The following PPP1R1C variants were observed in gnomAD, a reference collection of about 807,000 sequenced individuals.
PPP1R1C encodes protein phosphatase 1 regulatory subunit 1C.
In PPP1R1C, 15 loss-of-function variants were observed where a neutral mutation model predicts 17.4. The ratio of observed to expected loss-of-function variants is 0.86; its 90% CI spans 0.58 to 1.33. The LOEUF (loss-of-function observed/expected upper bound fraction) is 1.33, where lower values mean the gene tolerates loss of function less well. Ranked by LOEUF, PPP1R1C falls within the 40% of genes most tolerant of loss-of-function variation. The probability of loss-of-function intolerance (pLI) is 0.00; values close to 1 mark genes in which losing one functional copy is unlikely to be tolerated. For synonymous variants in PPP1R1C, 35 were observed against 43.1 expected (o/e 0.81, Z 0.73); for missense variants, 143 against 130.0 (o/e 1.10, Z -0.48).
chr2:182,044,824 A>G (rs746562402), intron 2 of PPP1R1C, among the ~76,000 whole-genome samples: 15 of 152,226 alleles, frequency 9.9e-5, no homozygotes, highest in Non-Finnish European at 1.8e-4. Context: ...AACCTTACAT[A>G]TAAGACACAG....
At chr2:182,115,955 A>C (rs1689568258) in intron 4 of PPP1R1C, among the ~76,000 whole-genome samples, 1 of 152,148 alleles carries the variant, frequency 6.6e-6, no homozygotes, top group African/African-American at 2.4e-5. Context: ...TATAAGGTAC[A>C]AAAAAGTGTA....
At chr2:182,092,689 G>T (rs1688816895) in intron 4 of PPP1R1C, among the ~76,000 whole-genome samples, 1 of 152,182 alleles carries the variant, frequency 6.6e-6, no homozygotes, top group Non-Finnish European at 1.5e-5. Flanking sequence ...AAACAAAGGT[G>T]CTACAGGCCC....
intron 1 of PPP1R1C, among the ~76,000 whole-genome samples, chr2:181,965,246 G>T (rs1467572220): frequency 6.6e-6 from 1 of 152,114 alleles, no homozygotes; most frequent in Non-Finnish European, 1.5e-5. Flanking sequence ...ATTTTATGGA[G>T]TGTCTTTTTA....
At chr2:182,122,109 A>T (rs575653945), downstream of PPP1R1C, among the ~76,000 whole-genome samples, 1 of 152,300 alleles carries the variant, frequency 6.6e-6, no homozygotes, top group South Asian at 2.1e-4. Context: ...CGTGAGGAAC[A>T]GGCAGACTGT....
intron 4 of PPP1R1C, among the ~76,000 whole-genome samples, chr2:182,090,171 T>G (rs772542328): frequency 6.6e-6 from 1 of 152,128 alleles, no homozygotes; most frequent in South Asian, 2.1e-4. Flanking sequence ...AAAAATACTC[T>G]GTGTACAGAT....
chr2:182,002,486 C>CTTT lies in PPP1R1C; in HGVS notation c.142+14588_142+14590dup, dbSNP rs1685795469. Among the ~76,000 whole-genome samples the CTTT allele has an allele frequency of 4.0e-5, 6 of 151,730 alleles. No homozygotes were observed. In the South Asian group the frequency reaches 1.3e-3, roughly 32 times the overall value. On this transcript the variant is annotated intron_variant, in intron 2 of 4. Transcript: ENST00000682840. Reference sequence around the variant, plus strand: ...CCAAACAATAACAACAAAAACAAACCTTTGTTTCCACAGAAGTTATTGGAT... The same window carrying CTTT: ...CCAAACAATAACAACAAAAACAAACCTTTTTTGTTTCCACAGAAGTTATTGGAT...
chr2:182,116,114 T>C (rs896396552), intron 4 of PPP1R1C, among the ~76,000 whole-genome samples: 2 of 152,148 alleles, frequency 1.3e-5, no homozygotes, highest in Non-Finnish European at 2.9e-5. Context: ...AAATTTGAAA[T>C]AATTTTGAAA....
At chr2:181,966,990 A>T (rs1684916586) in intron 1 of PPP1R1C, among the ~76,000 whole-genome samples, 1 of 151,918 alleles carries the variant, frequency 6.6e-6, no homozygotes, top group Non-Finnish European at 1.5e-5. Flanking sequence ...CTTGTTGCTT[A>T]TTATTGGTCT....
chr2:182,069,358 A>G (rs1427067016), intron 4 of PPP1R1C, among the ~76,000 whole-genome samples: 1 of 149,110 alleles, frequency 6.7e-6, no homozygotes, highest in African/African-American at 2.5e-5. Flanking sequence ...ACTGAGTTTT[A>G]TGCTCATCTT....
At chr2:182,073,552 G>A (rs545084616) in intron 4 of PPP1R1C, among the ~76,000 whole-genome samples, 1 of 152,262 alleles carries the variant, frequency 6.6e-6, no homozygotes, top group African/African-American at 2.4e-5. Context: ...GAAAAATGTT[G>A]TCAAATGAAA....
At chr2:182,106,026 A>G (rs1689239741) in intron 4 of PPP1R1C, among the ~76,000 whole-genome samples, 1 of 152,180 alleles carries the variant, frequency 6.6e-6, no homozygotes, top group Non-Finnish European at 1.5e-5. Flanking sequence ...AGTGTCTAGT[A>G]GCCTCAGATT....
intron 4 of PPP1R1C, among the ~76,000 whole-genome samples, chr2:182,114,161 A>G (rs1443032485): frequency 2.6e-5 from 4 of 152,066 alleles, no homozygotes; most frequent in Non-Finnish European, 4.4e-5. Context: ...AGAACCTTCA[A>G]TGTGTTTTTT....
At chr2:182,015,750 T>G (rs1313055115) in intron 2 of PPP1R1C, among the ~76,000 whole-genome samples, 1 of 152,134 alleles carries the variant, frequency 6.6e-6, no homozygotes, top group Non-Finnish European at 1.5e-5. Context: ...CTCTGCTTGG[T>G]GCCCTGTTCC....
At chr2:182,075,000 A>T (rs1688252112) in intron 4 of PPP1R1C, among the ~76,000 whole-genome samples, 2 of 152,218 alleles carry the variant, frequency 1.3e-5, no homozygotes, top group South Asian at 2.1e-4. Context: ...AAGAGAAAAA[A>T]TACCAAGCAG....
intron 2 of PPP1R1C, among the ~76,000 whole-genome samples, chr2:182,030,711 C>T (rs1426982327): frequency 1.3e-5 from 2 of 150,486 alleles, no homozygotes; most frequent in Non-Finnish European, 3.0e-5. Flanking sequence ...CAGAGGCAGG[C>T]AGGCCTCCTT....
intron 1 of PPP1R1C, among the ~76,000 whole-genome samples, chr2:181,970,932 G>T (rs1036150099): frequency 1.3e-5 from 2 of 152,102 alleles, no homozygotes; most frequent in Non-Finnish European, 2.9e-5. Context: ...TCAGCTCATG[G>T]TGAATGCTGC....
chr2:182,035,498 T>G (rs1686977051), intron 2 of PPP1R1C, among the ~76,000 whole-genome samples: 1 of 152,164 alleles, frequency 6.6e-6, no homozygotes, highest in Non-Finnish European at 1.5e-5. Flanking sequence ...CACCCAAATC[T>G]CATGTTAAGT....
At chr2:182,092,897 C>T (rs1461525092) in intron 4 of PPP1R1C, among the ~76,000 whole-genome samples, 1 of 152,192 alleles carries the variant, frequency 6.6e-6, no homozygotes, top group African/African-American at 2.4e-5. Context: ...GTATCTGCAG[C>T]TTTTCCAGGT....
At chr2:181,980,771 G>C (rs1685177492) in intron 2 of PPP1R1C, among the ~76,000 whole-genome samples, 1 of 151,596 alleles carries the variant, frequency 6.6e-6, no homozygotes, top group Non-Finnish European at 1.5e-5. Flanking sequence ...CATGGTTAGA[G>C]AAAAAAAATA....
Sources: allele counts gnomAD v4.1 joint callset (sites outside exome capture counted in the v4.1 genomes callset), GRCh38; gene constraint gnomAD v4.1.1; transcripts MANE v1.5; gene names NCBI Gene and HGNC (gene_info 2026-07-23, HGNC 2026-07-21).